MYH16: variants seen among roughly 807,000 people sequenced by gnomAD.
MYH16 encodes myosin heavy chain 16, also known as putative uncharacterized protein MYH16.
intron 6 of MYH16, chr7:99,252,532 A>G (rs1446149539): frequency 6.6e-6 from 1 of 152,228 alleles, no homozygotes; most frequent in Non-Finnish European, 1.5e-5. Context: ...AGGTCCTCCA[A>G]ATTCCCATGG....
At chr7:99,262,524 T>G (rs1791948091) in intron 13 of MYH16, among the ~76,000 whole-genome samples, 1 of 152,234 alleles carries the variant, frequency 6.6e-6, no homozygotes, top group Admixed American at 6.5e-5. Flanking sequence ...CAAAGTCAAG[T>G]GGCACCTGTG....
intron 18 of MYH16, among the ~76,000 whole-genome samples, chr7:99,267,467 C>A (rs189615547): frequency 6.6e-4 from 100 of 152,284 alleles, no homozygotes; most frequent in African/African-American, 2.3e-3. Context: ...TGGGCTCAAG[C>A]AATCCACCTG....
chr7:99,288,325 G>A (rs1792314990), intron 29 of MYH16, among the ~76,000 whole-genome samples, 188 bp downstream of exon 10: 1 of 152,166 alleles, frequency 6.6e-6, no homozygotes, highest in Non-Finnish European at 1.5e-5. Flanking sequence ...TGTAGTCCTA[G>A]CTACTCAGGA....
intron 25 of MYH16, 67 bp from the exon 8 acceptor site, chr7:99,284,778 A>G (rs1792254157): frequency 4.4e-6 from 2 of 451,588 alleles, no homozygotes; most frequent in Admixed American, 4.7e-5. Context: ...CCCAGGCGAC[A>G]TTCCCTCGCC....
At chr7:99,290,979 G>C (rs6651107) in intron 30 of MYH16, 5,455 of 157,748 alleles carry the variant, frequency 0.035, 107 homozygotes, top group African/African-American at 0.054. Context: ...TGTAGGTTCT[G>C]GAATTGTGAC....
chr7:99,310,652 A>G (rs1483674429), downstream of MYH16: 3 of 152,220 alleles, frequency 2.0e-5, no homozygotes, highest in African/African-American at 4.8e-5. Flanking sequence ...TTCCAGCAAG[A>G]CAGGAGCAAA....
In MYH16 at chr7:99,282,306, G is replaced by A. The variant is rs376115807; in HGVS notation, n.2993-1259G>A. On this transcript the variant is annotated intron_variant and non_coding_transcript_variant, in intron 23 of 41. Transcript: ENST00000439784. ...CTCCCAAAGTGCTGGGATTACAGGC[G>A]TGAGCCACCACACCCGGCCTCACAG... Among the ~76,000 whole-genome samples, 3 of 151,960 alleles carry A rather than the reference G, an allele frequency of 2.0e-5. No individual in the cohort carries two copies. In the South Asian group the frequency reaches 6.3e-4, roughly 32 times the overall value.
chr7:99,304,899 G>A (rs1224574472), intron 40 of MYH16, 143 bp downstream of exon 21: 1 of 152,266 alleles, frequency 6.6e-6, no homozygotes, highest in Non-Finnish European at 1.5e-5. Flanking sequence ...AGAAGAAATT[G>A]AAAGGACCAG....
rs113114785 is a variant in MYH16 at position 99,299,926 on chromosome 7, A to ATTTT, written n.4933+269_4933+272dup. ...TTGGGCCCGTCTAGATTTTTATTTTATTTTATTTATTTATTTATTTATTTA... is the reference window on the plus strand; with the variant it reads ...TTGGGCCCGTCTAGATTTTTATTTTATTTTTTTTATTTATTTATTTATTTATTTA... On this transcript the variant is annotated intron_variant and non_coding_transcript_variant, in intron 37 of 41. Coordinates refer to ENST00000439784, the Ensembl canonical transcript of MYH16. Among the ~76,000 whole-genome samples the ATTTT allele has an allele frequency of 1.6e-3, 202 of 125,062 alleles. 1 individual carries two copies. The highest frequency in any genetic ancestry group is 5.0e-3 in the African/African-American group (157 of 31,270). The allele number at this position is 125,062 out of a possible 152,430, so 82.0% of individuals were successfully genotyped here.
At chr7:99,260,462 C>A (rs1394239358) in intron 12 of MYH16, 1 of 471,602 alleles carries the variant, frequency 2.1e-6, no homozygotes, top group African/African-American at 2.0e-5. Context: ...CTTGGTATGA[C>A]CTCTAGCTCC....
chr7:99,302,383 G>A (rs1258438592), intron 38 of MYH16, among the ~76,000 whole-genome samples: 1 of 140,354 alleles, frequency 7.1e-6, no homozygotes, highest in African/African-American at 2.7e-5. Flanking sequence ...TGGCCAACAT[G>A]GTGAAACCCC....
chr7:99,276,037 T>G (rs1361211284), intron 20 of MYH16, among the ~76,000 whole-genome samples: 1 of 152,178 alleles, frequency 6.6e-6, no homozygotes, highest in Non-Finnish European at 1.5e-5. Flanking sequence ...CTTTTTAGTT[T>G]TTGTTGTTGT....
At chr7:99,240,812 C>T (rs990721870) in intron 1 of MYH16, among the ~76,000 whole-genome samples, 1 of 149,570 alleles carries the variant, frequency 6.7e-6, no homozygotes, top group African/African-American at 2.4e-5. Context: ...TGCACTCCAG[C>T]CTGGGTGACA....
chr7:99,280,799 G>A (rs1164999451), intron 22 of MYH16, 77 bp from the exon 5 acceptor site: 2 of 215,204 alleles, frequency 9.3e-6, no homozygotes, highest in Non-Finnish European at 2.0e-5. Flanking sequence ...AAGCTCCCAG[G>A]AGACTCAAGG....
At chr7:99,241,138 G>T (rs1791662678) in intron 1 of MYH16, among the ~76,000 whole-genome samples, 1 of 152,202 alleles carries the variant, frequency 6.6e-6, no homozygotes, top group Non-Finnish European at 1.5e-5. Context: ...CGGCCAGCCG[G>T]GTTTGGGACA....
chr7:99,279,777 C>T (rs755467123), intron 22 of MYH16, 40 bp downstream of exon 4: 15 of 446,562 alleles, frequency 3.4e-5, no homozygotes, highest in Non-Finnish European at 6.7e-5. Flanking sequence ...TTTCTCAGGC[C>T]ACCTTCAGGG....
intron 1 of MYH16, among the ~76,000 whole-genome samples, chr7:99,242,377 C>A (rs1791676621): frequency 6.6e-6 from 1 of 151,852 alleles, no homozygotes; most frequent in Non-Finnish European, 1.5e-5. Context: ...TGTGGTGGCT[C>A]ACACCTGTAA....
intron 20 of MYH16, among the ~76,000 whole-genome samples, chr7:99,273,641 C>A (rs1792074082): frequency 6.6e-6 from 1 of 152,160 alleles, no homozygotes; most frequent in African/African-American, 2.4e-5. Flanking sequence ...CACCTGTAAT[C>A]CCAGCCCTTT....
intron 1 of MYH16, among the ~76,000 whole-genome samples, chr7:99,240,141 A>G (rs1393175622): frequency 6.6e-6 from 1 of 152,010 alleles, no homozygotes; most frequent in East Asian, 1.9e-4. Flanking sequence ...ACTTTGTTTA[A>G]TCCTTTTGGC....
Sources: allele counts gnomAD v4.1 joint callset (sites outside exome capture counted in the v4.1 genomes callset), GRCh38; gene constraint gnomAD v4.1.1; transcripts MANE v1.5; gene names NCBI Gene and HGNC (gene_info 2026-07-23, HGNC 2026-07-21).